SASH1: variants seen among roughly 807,000 people sequenced by gnomAD.
SASH1 encodes SAM and SH3 domain-containing protein 1.
In SASH1, 44 loss-of-function variants were observed where a neutral mutation model predicts 125.2. The ratio of observed to expected loss-of-function variants is 0.35; its 90% CI spans 0.28 to 0.45. The LOEUF (loss-of-function observed/expected upper bound fraction) is 0.45, where lower values mean the gene tolerates loss of function less well. SASH1 is among the 20% of genes least tolerant of loss of function. The pLI is 1.00. For missense variants in SASH1, 1,426 were observed against 1,614.5 expected (o/e 0.88, Z 2.00); for synonymous variants, 639 against 649.1 (o/e 0.98, Z 0.24).
At chr6:148,463,737 A>C (rs1436362601) in intron 4 of SASH1, among the ~76,000 whole-genome samples, 1 of 152,168 alleles carries the variant, frequency 6.6e-6, no homozygotes, top group African/African-American at 2.4e-5. Context: ...GATGTTTAAT[A>C]AGCACCGCAC....
intron 1 of SASH1, among the ~76,000 whole-genome samples, chr6:148,389,113 A>C (rs539582599): frequency 6.6e-6 from 1 of 152,340 alleles, no homozygotes; most frequent in Admixed American, 6.5e-5. Context: ...GGAAGACTAT[A>C]GTGTGGAACA....
In SASH1 at chr6:148,550,607, T is replaced by C. The variant is rs1782828550; in HGVS notation, c.*2049T>C. On this transcript the variant is annotated 3_prime_UTR_variant, in exon 20 of 20. Coordinates refer to ENST00000367467, the MANE Select transcript of SASH1 (RefSeq NM_015278.5). The stretch of plus-strand genomic sequence containing the variant: ...AAAAGCTAAAGCTGCCAAATTTCTG[T>C]TGAACTCTTAAAAACAGCTCATGTT... 6.6e-6 allele frequency: 1 copy of C among 152,286 alleles called. No individual in the cohort carries two copies. Among genetic ancestry groups the C allele is most frequent in the South Asian group, 2.1e-4 (1 of 4,834 alleles). 9.4% of individuals were successfully genotyped at this position (152,286 alleles called of 1,614,324 possible).
At chr6:148,536,107 T>C (rs1047059097) in intron 16 of SASH1, among the ~76,000 whole-genome samples, 1 of 152,186 alleles carries the variant, frequency 6.6e-6, no homozygotes, top group Non-Finnish European at 1.5e-5. Context: ...ATAGTTAATA[T>C]CACTTTATAA....
chr6:148,398,301 G>A (rs1199032550), intron 2 of SASH1, among the ~76,000 whole-genome samples: 8 of 152,230 alleles, frequency 5.3e-5, no homozygotes, highest in African/African-American at 1.7e-4. Context: ...AGGTGAACTT[G>A]TTCTTGCTTT....
chr6:148,421,707 C>G (rs1430104149), intron 2 of SASH1, among the ~76,000 whole-genome samples: 5 of 152,224 alleles, frequency 3.3e-5, no homozygotes, highest in African/African-American at 4.8e-5. Context: ...AGTCTGCACT[C>G]CCACCAGCAG....
intron 8 of SASH1, among the ~76,000 whole-genome samples, chr6:148,506,890 TAC>T (rs912807569): frequency 1.2e-4 from 19 of 152,196 alleles, no homozygotes; most frequent in African/African-American, 4.6e-4. Context: ...AGCAAAACCA[TAC>T]AGTCTCAGAT....
intron 1 of SASH1, among the ~76,000 whole-genome samples, chr6:148,359,269 C>T (rs555519332): frequency 2.0e-5 from 3 of 151,990 alleles, no homozygotes; most frequent in African/African-American, 4.8e-5. Flanking sequence ...AGTGATTCTC[C>T]TGCCTCGGCC....
chr6:148,358,561 G>A (rs1782046234), intron 1 of SASH1, among the ~76,000 whole-genome samples: 1 of 152,114 alleles, frequency 6.6e-6, no homozygotes, highest in Non-Finnish European at 1.5e-5. Context: ...TTGTACCAGT[G>A]CCTTGGTTGT....
intron 2 of SASH1, among the ~76,000 whole-genome samples, chr6:148,419,463 AT>A (rs1438706882): frequency 2.0e-5 from 3 of 152,184 alleles, no homozygotes; most frequent in Non-Finnish European, 4.4e-5. Context: ...TAAAAAACAG[AT>A]CTGATGGTAC....
intron 2 of SASH1, among the ~76,000 whole-genome samples, chr6:148,395,542 A>C (rs1430643687): frequency 6.6e-6 from 1 of 152,214 alleles, no homozygotes; most frequent in Non-Finnish European, 1.5e-5. Flanking sequence ...ATGGGTAAAA[A>C]TTCAACAATA....
chr6:148,241,011 CA>C, the SASH1 span, among the ~76,000 whole-genome samples: 1 of 152,042 alleles, frequency 6.6e-6, no homozygotes, highest in African/African-American at 2.4e-5. Flanking sequence ...TCCTCTCTTA[CA>C]AACAAAACAT....
intron 4 of SASH1, among the ~76,000 whole-genome samples, chr6:148,453,784 C>T (rs146498395): frequency 6.4e-4 from 98 of 152,302 alleles, no homozygotes; most frequent in Non-Finnish European, 1.2e-3. Context: ...ACCATCAGGA[C>T]AGGGGAACTG....
intron 1 of SASH1, among the ~76,000 whole-genome samples, chr6:148,377,203 AAAC>A (rs1341906849): frequency 6.1e-5 from 5 of 81,570 alleles, no homozygotes; most frequent in Admixed American, 2.8e-4. Flanking sequence ...AACAAAAAAA[AAAC>A]AAAACAAACA....
chr6:148,400,633 C>A (rs550414705), intron 2 of SASH1, among the ~76,000 whole-genome samples: 5 of 152,290 alleles, frequency 3.3e-5, no homozygotes, highest in Admixed American at 2.6e-4. Flanking sequence ...CACCTATTGT[C>A]CCAGCCACTG....
the SASH1 span, among the ~76,000 whole-genome samples, chr6:148,202,181 C>T: frequency 4.5e-4 from 69 of 152,124 alleles, no homozygotes; most frequent in African/African-American, 1.6e-3. Context: ...AGTCAGGATG[C>T]TAGGTGAATT....
chr6:148,520,651 G>GGT (rs1471297581), intron 10 of SASH1, among the ~76,000 whole-genome samples: 1 of 152,164 alleles, frequency 6.6e-6, no homozygotes, highest in Non-Finnish European at 1.5e-5. Flanking sequence ...GGGCTTCCAG[G>GGT]GTACAGGGGT....
intron 1 of SASH1, among the ~76,000 whole-genome samples, chr6:148,351,068 A>G (rs999154094): frequency 1.3e-5 from 2 of 152,056 alleles, no homozygotes; most frequent in African/African-American, 2.4e-5. Context: ...CTTTCCTGCC[A>G]TGTCAAGTCA....
At chr6:148,292,598 G>A (rs1217832647) in intron 1 of SASH1, among the ~76,000 whole-genome samples, 4 of 152,268 alleles carry the variant, frequency 2.6e-5, no homozygotes, top group East Asian at 3.9e-4. Context: ...CTTAAACACC[G>A]ACTTTCATGG....
intron 8 of SASH1, chr6:148,512,400 G>C (rs962897186): frequency 3.5e-6 from 3 of 850,880 alleles, no homozygotes; most frequent in Non-Finnish European, 4.2e-6. Context: ...GAATTGCTTG[G>C]CTTTTGAGCT....
Sources: gnomAD v4.1 joint callset for allele counts (sites outside exome capture counted in the v4.1 genomes callset) on GRCh38, gnomAD v4.1.1 for gene constraint, MANE v1.5 for transcripts, NCBI Gene and HGNC (gene_info 2026-07-23, HGNC 2026-07-21) for gene names.